RBMS1: variants seen among roughly 807,000 people sequenced by gnomAD.
The protein encoded by RBMS1 is RNA-binding motif, single-stranded-interacting protein 1.
A neutral mutation model predicts 62.3 loss-of-function variants in RBMS1; 17 were observed. The ratio of observed to expected loss-of-function variants is 0.27; its 90% CI spans 0.19 to 0.41. The LOEUF is 0.41. Among genes scored for constraint, RBMS1 ranks in the 10% least tolerant of loss-of-function variants. RBMS1 has a pLI of 1.00. For synonymous variants in RBMS1, 172 were observed against 170.0 expected (o/e 1.01, Z -0.09); for missense variants, 334 against 504.5 (o/e 0.66, Z 3.24).
intron 2 of RBMS1, among the ~76,000 whole-genome samples, chr2:160,328,527 G>T (rs1048680163): frequency 3.3e-5 from 5 of 152,030 alleles, no homozygotes; most frequent in Admixed American, 2.6e-4. Flanking sequence ...CAGCAGTGAG[G>T]AGAAGGGAAA....
intron 1 of RBMS1, among the ~76,000 whole-genome samples, chr2:160,477,657 G>T (rs988877182): frequency 2.0e-5 from 3 of 152,068 alleles, no homozygotes. Flanking sequence ...TTGATGAAAG[G>T]TACTAAAACC....
Position 160,367,410 on chromosome 2 carries a change from G to C in RBMS1, c.76-19C>G, listed in dbSNP as rs1433388626. 4.3e-6 allele frequency: 7 copies of C among 1,613,746 alleles called. No homozygotes were observed. The African/African-American group carries it at 9.3e-5, about 22-fold the overall frequency. On this transcript the variant is annotated intron_variant, in intron 1 of 13. Coordinates refer to ENST00000348849, the MANE Select transcript of RBMS1 (RefSeq NM_016836.4). ...GAGACTGCTGGAAAACAAAGATCAG[G>C]AGCCTTAGTATGCTAGCATTAGGAG... is the stretch of plus-strand genomic sequence containing the variant.
rs1206910746 is a variant in RBMS1 at position 160,324,882 on chromosome 2, G to GTGTATATA, written c.252-6656_252-6655insTATATACA. 3.4e-3 allele frequency among the ~76,000 whole-genome samples: 345 copies of GTGTATATA among 100,010 alleles called. 3 individuals carry two copies. The highest frequency in any genetic ancestry group is 0.016 in the Middle Eastern group (3 of 184). 65.6% of individuals were successfully genotyped at this position (100,010 alleles called of 152,430 possible). On this transcript the variant is annotated intron_variant, in intron 2 of 13. Transcript: ENST00000348849. ...CTAAGCGAGATGTGTGTGTGTGTGT[G>GTGTATATA]TATATATATATATATATATATATAT...
At chr2:160,319,559 C>T (rs1690436743) in intron 2 of RBMS1, among the ~76,000 whole-genome samples, 1 of 152,156 alleles carries the variant, frequency 6.6e-6, no homozygotes, top group Admixed American at 6.5e-5. Context: ...CTGGGAAATG[C>T]ATTTAACTTA....
At chr2:160,357,122 T>C (rs969567781) in intron 2 of RBMS1, among the ~76,000 whole-genome samples, 5 of 152,056 alleles carry the variant, frequency 3.3e-5, no homozygotes, top group African/African-American at 1.2e-4. Flanking sequence ...TGGTTAAATA[T>C]CCCCAAGCTG....
intron 2 of RBMS1, among the ~76,000 whole-genome samples, chr2:160,344,772 G>A (rs1309572190): frequency 6.6e-6 from 1 of 152,034 alleles, no homozygotes; most frequent in Non-Finnish European, 1.5e-5. Context: ...ATGAGCTATG[G>A]GGGGCTCTGC....
At position 160,344,686 on chromosome 2, in the gene RBMS1, G is replaced by C. The variant is rs191728758; in HGVS notation, c.251+22530C>G. On this transcript the variant is annotated intron_variant, in intron 2 of 13. Transcript: ENST00000348849. ...ACTATTTACTGAGTGCCTACTAAGT[G>C]TTAGCATTCAGTTCAGACACTAGAG... is the stretch of plus-strand genomic sequence containing the variant. 1.3e-5 allele frequency among the ~76,000 whole-genome samples: 2 copies of C among 152,236 alleles called. 1 individual carries two copies. The highest frequency in any genetic ancestry group is 3.9e-4 in the East Asian group (2 of 5,180).
At chr2:160,300,401 G>A (rs926319180) in intron 6 of RBMS1, among the ~76,000 whole-genome samples, 23 of 152,208 alleles carry the variant, frequency 1.5e-4, no homozygotes, top group African/African-American at 5.3e-4. Flanking sequence ...GCTGGCTGCT[G>A]CATCAAAAGA....
chr2:160,397,036 G>C (rs990298360), intron 1 of RBMS1, among the ~76,000 whole-genome samples: 5 of 152,032 alleles, frequency 3.3e-5, no homozygotes, highest in Non-Finnish European at 7.4e-5. Flanking sequence ...TCAATTTTCA[G>C]AGCATACTCA....
At chr2:160,407,013 GAC>G (rs1162797138) in intron 1 of RBMS1, among the ~76,000 whole-genome samples, 3 of 150,484 alleles carry the variant, frequency 2.0e-5, no homozygotes, top group African/African-American at 2.4e-5. Flanking sequence ...CGAACACACA[GAC>G]ACACACAGAG....
At chr2:160,367,535 T>C in intron 1 of RBMS1, 144 bp from the exon 2 acceptor site, 3 of 1,370,326 alleles carry the variant, frequency 2.2e-6, no homozygotes, top group East Asian at 2.5e-5. Flanking sequence ...AAAGGTCTGT[T>C]CATGCTACTT....
At chr2:160,338,781 A>T (rs1691710761) in intron 2 of RBMS1, among the ~76,000 whole-genome samples, 1 of 152,234 alleles carries the variant, frequency 6.6e-6, no homozygotes, top group Non-Finnish European at 1.5e-5. Flanking sequence ...AGTGGCCATA[A>T]GACAGAGAAG....
At chr2:160,471,887 A>C (rs1008278193) in intron 1 of RBMS1, among the ~76,000 whole-genome samples, 1 of 151,600 alleles carries the variant, frequency 6.6e-6, no homozygotes, top group Non-Finnish European at 1.5e-5. Context: ...TTTCTCATTG[A>C]AAAATTACAT....
chr2:160,420,833 T>C (rs1290238105), intron 1 of RBMS1, among the ~76,000 whole-genome samples: 1 of 152,166 alleles, frequency 6.6e-6, no homozygotes, highest in East Asian at 1.9e-4. Flanking sequence ...CCCCTACAAC[T>C]TTCTCTGCTA....
At chr2:160,334,938 T>TG (rs1201157809) in intron 2 of RBMS1, among the ~76,000 whole-genome samples, 1 of 147,072 alleles carries the variant, frequency 6.8e-6, no homozygotes, top group Non-Finnish European at 1.5e-5. Flanking sequence ...TCCTGAAATG[T>TG]GAAAAAAAAA....
At chr2:160,452,124 T>G (rs924333284) in intron 1 of RBMS1, among the ~76,000 whole-genome samples, 1 of 152,122 alleles carries the variant, frequency 6.6e-6, no homozygotes, top group African/African-American at 2.4e-5. Flanking sequence ...TCCATGGGGA[T>G]GTGATCTAGT....
At chr2:160,439,602 C>T (rs1472101360) in intron 1 of RBMS1, among the ~76,000 whole-genome samples, 2 of 151,158 alleles carry the variant, frequency 1.3e-5, no homozygotes, top group Non-Finnish European at 2.9e-5. Context: ...CTCCTCACAT[C>T]CCAGACGATG....
At chr2:160,448,401 TCTC>T (rs919515118) in intron 1 of RBMS1, among the ~76,000 whole-genome samples, 5 of 151,758 alleles carry the variant, frequency 3.3e-5, no homozygotes, top group African/African-American at 1.2e-4. Context: ...CCTGCCTAAT[TCTC>T]CTGCCTCAGC....
intron 1 of RBMS1, among the ~76,000 whole-genome samples, chr2:160,456,410 G>A (rs184719993): frequency 4.6e-5 from 7 of 152,216 alleles, no homozygotes; most frequent in Admixed American, 1.3e-4. Context: ...TTCTAGGGAA[G>A]TTTTTTTATT....
Sources: allele counts gnomAD v4.1 joint callset (sites outside exome capture counted in the v4.1 genomes callset), GRCh38; gene constraint gnomAD v4.1.1; transcripts MANE v1.5; gene names NCBI Gene and HGNC (gene_info 2026-07-23, HGNC 2026-07-21).